The following FSTL5 variants were observed in gnomAD, a reference collection of about 807,000 sequenced individuals.
FSTL5 encodes follistatin like 5.
In FSTL5, 62 loss-of-function variants were observed where a neutral mutation model predicts 89.1. The ratio of observed to expected loss-of-function variants is 0.70; its 90% CI spans 0.57 to 0.86. The LOEUF (loss-of-function observed/expected upper bound fraction) is 0.86. Ranked by LOEUF, FSTL5 falls within the 40% of genes least tolerant of loss-of-function variation. FSTL5 has a pLI of 0.00. For missense variants in FSTL5, 1,057 were observed against 1,001.6 expected (o/e 1.06, Z -0.75); for synonymous variants, 383 against 346.2 (o/e 1.11, Z -1.18).
chr4:162,163,453 TAA>T (rs200810335), intron 1 of FSTL5, among the ~76,000 whole-genome samples, 160 bp downstream of exon 1: 13,174 of 145,138 alleles, frequency 0.091, 824 homozygotes, highest in African/African-American at 0.17. Context: ...ATAATAATAA[TAA>T]TAATAATAAT....
intron 1 of FSTL5, among the ~76,000 whole-genome samples, chr4:162,161,960 TC>T (rs1259281894): frequency 1.2e-4 from 19 of 152,190 alleles, no homozygotes; most frequent in African/African-American, 4.6e-4. Context: ...TTTTATATAT[TC>T]TTTTTTGCCC....
intron 2 of FSTL5, among the ~76,000 whole-genome samples, chr4:162,042,721 T>C (rs1738013344): frequency 6.6e-6 from 1 of 151,934 alleles, no homozygotes; most frequent in African/African-American, 2.4e-5. Context: ...TCAATGTATA[T>C]TAATTTGAGG....
rs920011731 is a variant in FSTL5 at position 161,588,016 on chromosome 4, A to G, written c.895-441T>C. On this transcript the variant is annotated intron_variant, in intron 7 of 15. Transcript: ENST00000306100. ...TGGTGAAGTCATGTCTCTACTAAAAATACGTAAATTAGCTGTGTGTGGTGG... is the reference window on the plus strand; with the variant it reads ...TGGTGAAGTCATGTCTCTACTAAAAGTACGTAAATTAGCTGTGTGTGGTGG... 5.3e-5 allele frequency among the ~76,000 whole-genome samples: 8 copies of G among 152,030 alleles called. No homozygotes were observed. The East Asian group carries it at 1.6e-3, about 30-fold the overall frequency.
intron 4 of FSTL5, among the ~76,000 whole-genome samples, chr4:161,783,677 C>CTTTCTTTCTTTCTT (rs1553965640): frequency 1.2e-4 from 1 of 8,184 alleles, no homozygotes; most frequent in African/African-American, 3.2e-4. Context: ...TTCTTTCTTT[C>CTTTCTTTCTTTCTT]TCTTTCTTTC....
chr4:161,781,146 T>C (rs1016059066), intron 4 of FSTL5, among the ~76,000 whole-genome samples: 1 of 151,978 alleles, frequency 6.6e-6, no homozygotes, highest in Non-Finnish European at 1.5e-5. Flanking sequence ...ACACAAATAT[T>C]TTAGATAAAT....
At chr4:162,055,284 A>G (rs893996834) in intron 2 of FSTL5, among the ~76,000 whole-genome samples, 3 of 151,804 alleles carry the variant, frequency 2.0e-5, no homozygotes, top group Non-Finnish European at 4.4e-5. Context: ...TAATTCAAAG[A>G]GCAATTTGAT....
intron 3 of FSTL5, among the ~76,000 whole-genome samples, chr4:161,971,824 AC>A (rs1195445122): frequency 6.6e-6 from 1 of 152,190 alleles, no homozygotes; most frequent in African/African-American, 2.4e-5. Flanking sequence ...GTAAATACTA[AC>A]ATCTTTTCTC....
chr4:161,744,582 C>T (rs1740129674), intron 6 of FSTL5, among the ~76,000 whole-genome samples: 1 of 152,030 alleles, frequency 6.6e-6, no homozygotes, highest in Admixed American at 6.6e-5. Context: ...GGGGATGTGA[C>T]AAGGAATTCA....
At chr4:161,721,067 A>C (rs1029141481) in intron 6 of FSTL5, among the ~76,000 whole-genome samples, 1 of 151,566 alleles carries the variant, frequency 6.6e-6, no homozygotes, top group Admixed American at 6.6e-5. Context: ...TCATGAGGTC[A>C]GGAGATCGAG....
intron 7 of FSTL5, among the ~76,000 whole-genome samples, chr4:161,593,112 A>T (rs887587668): frequency 1.3e-5 from 2 of 152,076 alleles, no homozygotes; most frequent in Non-Finnish European, 2.9e-5. Context: ...TGTGTTGCTC[A>T]GTTCTTAATT....
intron 3 of FSTL5, among the ~76,000 whole-genome samples, chr4:162,006,209 T>C (rs1736611965): frequency 6.6e-6 from 1 of 152,052 alleles, no homozygotes; most frequent in African/African-American, 2.4e-5. Context: ...TTTGGGTAGA[T>C]TCTTACCCTT....
intron 6 of FSTL5, among the ~76,000 whole-genome samples, chr4:161,739,596 A>C (rs1739933801): frequency 6.6e-6 from 1 of 152,184 alleles, no homozygotes; most frequent in Admixed American, 6.5e-5. Flanking sequence ...TTATATGGGG[A>C]TTAGTTGTAT....
chr4:161,734,938 A>G (rs927292443), intron 6 of FSTL5, among the ~76,000 whole-genome samples: 1 of 152,090 alleles, frequency 6.6e-6, no homozygotes, highest in African/African-American at 2.4e-5. Flanking sequence ...TGTGAACCCC[A>G]GCCAGGTATC....
intron 5 of FSTL5, among the ~76,000 whole-genome samples, chr4:161,764,221 TTA>T (rs1740908375): frequency 6.6e-6 from 1 of 152,166 alleles, no homozygotes; most frequent in Non-Finnish European, 1.5e-5. Context: ...ATGTGTTTAG[TTA>T]TATATAACAA....
intron 7 of FSTL5, among the ~76,000 whole-genome samples, chr4:161,644,560 A>C (rs1170850097): frequency 2.6e-5 from 4 of 152,118 alleles, no homozygotes; most frequent in African/African-American, 9.7e-5. Flanking sequence ...TAATAAAACA[A>C]TGGAATCAGA....
chr4:161,576,654 A>G (rs1733218506), intron 8 of FSTL5, among the ~76,000 whole-genome samples: 1 of 152,132 alleles, frequency 6.6e-6, no homozygotes, highest in Non-Finnish European at 1.5e-5. Context: ...TTCTTAACAC[A>G]TTAGACTCTC....
At chr4:161,994,734 T>A (rs1224671014) in intron 3 of FSTL5, among the ~76,000 whole-genome samples, 1 of 152,220 alleles carries the variant, frequency 6.6e-6, no homozygotes, top group East Asian at 1.9e-4. Flanking sequence ...GTGTTTTGTT[T>A]TTTTCTTCCA....
At chr4:162,151,000 T>C (rs1226128521) in intron 1 of FSTL5, among the ~76,000 whole-genome samples, 1 of 152,128 alleles carries the variant, frequency 6.6e-6, no homozygotes. Context: ...GATCAACTAA[T>C]TGCAAAAATG....
At chr4:162,068,417 C>A (rs1156778053) in intron 2 of FSTL5, among the ~76,000 whole-genome samples, 1 of 152,090 alleles carries the variant, frequency 6.6e-6, no homozygotes, top group African/African-American at 2.4e-5. Context: ...ACCATCTGAT[C>A]TTCGACAAAC....
Sources: gnomAD v4.1 joint callset for allele counts (sites outside exome capture counted in the v4.1 genomes callset) on GRCh38, gnomAD v4.1.1 for gene constraint, MANE v1.5 for transcripts, NCBI Gene and HGNC (gene_info 2026-07-23, HGNC 2026-07-21) for gene names.